The following DAOA variants were observed in gnomAD, a reference collection of about 807,000 sequenced individuals.
DAOA encodes the protein D-amino acid oxidase activator, also known as D-amino acid oxidase regulator.
DAOA carries 15 observed loss-of-function variants against 16.4 expected under a neutral mutation model. That is an observed-to-expected ratio of 0.91 (90% confidence interval 0.61 to 1.41). The LOEUF is 1.41. DAOA is among the 40% of genes most tolerant of loss of function. The pLI is 0.00. For synonymous variants in DAOA, 75 were observed against 59.1 expected (o/e 1.27, Z -1.23); for missense variants, 230 against 176.8 (o/e 1.30, Z -1.71).
intron 4 of DAOA, among the ~76,000 whole-genome samples, chr13:105,486,352 G>T (rs1594119269): frequency 6.6e-6 from 1 of 151,722 alleles, no homozygotes; most frequent in Non-Finnish European, 1.5e-5. Context: ...AAACCCACCT[G>T]CTTCATTTGG....
chr13:105,475,561 GTGTT>G (rs139554624), intron 4 of DAOA, among the ~76,000 whole-genome samples: 5,647 of 152,236 alleles, frequency 0.037, 135 homozygotes, highest in South Asian at 0.063. Context: ...CACAGAAACT[GTGTT>G]TGATACATTT....
chr13:105,467,354 C>T (rs16966682), intron 3 of DAOA, among the ~76,000 whole-genome samples: 1 of 152,124 alleles, frequency 6.6e-6, no homozygotes, highest in Non-Finnish European at 1.5e-5. Context: ...AACAGTGCAA[C>T]CTTGTAAAAC....
At chr13:105,486,587 A>G (rs1250037993) in intron 4 of DAOA, among the ~76,000 whole-genome samples, 2 of 151,172 alleles carry the variant, frequency 1.3e-5, no homozygotes, top group African/African-American at 2.4e-5. Flanking sequence ...CTCAGTTTCC[A>G]GGTCTCAGTA....
intron 4 of DAOA, among the ~76,000 whole-genome samples, chr13:105,486,679 C>T (rs1391599915): frequency 8.6e-5 from 13 of 151,284 alleles, no homozygotes; most frequent in Non-Finnish European, 1.6e-4. Context: ...AGTGCAATGG[C>T]GCAATCTCGG....
intron 4 of DAOA, among the ~76,000 whole-genome samples, chr13:105,483,155 T>C (rs1877868079): frequency 6.6e-6 from 1 of 152,180 alleles, no homozygotes; most frequent in South Asian, 2.1e-4. Context: ...TTTGCTCTAT[T>C]TTGTTTGGAT....
At chr13:105,469,847 C>T (rs1192334314) in intron 3 of DAOA, among the ~76,000 whole-genome samples, 2 of 152,176 alleles carry the variant, frequency 1.3e-5, no homozygotes. Context: ...TATTTCCAAA[C>T]TTTCCAAAGC....
At chr13:105,488,890 CTGTT>C (rs1878318361) in intron 4 of DAOA, among the ~76,000 whole-genome samples, 1 of 152,140 alleles carries the variant, frequency 6.6e-6, no homozygotes, top group Admixed American at 6.6e-5. Flanking sequence ...CATGGCTTGA[CTGTT>C]TGGGGTGGAA....
At chr13:105,475,035 A>G (rs886692068) in intron 4 of DAOA, 10 of 985,710 alleles carry the variant, frequency 1.0e-5, no homozygotes, top group South Asian at 4.7e-5. Context: ...AATTTCTCAG[A>G]TATTTGCTGG....
rs1877034535 is a variant in DAOA at position 105,472,547 on chromosome 13, CAGA to C, written c.149_151del (p.Glu50del). The C allele has an allele frequency of 1.2e-6, 2 of 1,613,230 alleles. No homozygotes were observed. Among genetic ancestry groups the C allele is most frequent in the African/African-American group, 1.3e-5 (1 of 74,930 alleles). ...TTAAATACTGTTGCAGCAAAGGAGACAGAAGAAGGAAGAGAGACGGTAACAAGG... is the reference window on the plus strand; with the variant it reads ...TTAAATACTGTTGCAGCAAAGGAGACAGAAGGAAGAGAGACGGTAACAAGG... On this transcript the variant is annotated inframe_deletion, in exon 4 of 6. Coordinates refer to ENST00000375936, the MANE Select transcript of DAOA (RefSeq NM_172370.5).
At chr13:105,487,941 T>C (rs1878246830) in intron 4 of DAOA, among the ~76,000 whole-genome samples, 1 of 152,176 alleles carries the variant, frequency 6.6e-6, no homozygotes, top group Non-Finnish European at 1.5e-5. Context: ...CCTGGGGACA[T>C]GCTTTGAATC....
Position 105,489,925 on chromosome 13 carries a change from T to C in DAOA, c.306T>C (p.Val102=). The change falls in exon 5 of 6, where the codon GTT becomes GTC. Residue 102 remains valine (V), a synonymous_variant. Transcript: ENST00000375936. Reference sequence around the variant, plus strand: ...GGCTTGAAGAAGTAAGCAGCCATGTTGGAAAAGTCTTCATGGCAAGAAACT... The same window carrying C: ...GGCTTGAAGAAGTAAGCAGCCATGTCGGAAAAGTCTTCATGGCAAGAAACT... The part of the protein sequence containing the change: ...YAELEEVSSH[V]GKVFMARNYE... 1 of 1,613,928 alleles carries C rather than the reference T, an allele frequency of 6.2e-7. No individual in the cohort carries two copies.
At chr13:105,473,567 A>C (rs934453007) in intron 4 of DAOA, among the ~76,000 whole-genome samples, 1 of 152,126 alleles carries the variant, frequency 6.6e-6, no homozygotes, top group African/African-American at 2.4e-5. Context: ...GTCATTTACC[A>C]TATTCCTAAA....
intron 4 of DAOA, among the ~76,000 whole-genome samples, chr13:105,483,437 T>C (rs1877887255): frequency 6.6e-6 from 1 of 152,208 alleles, no homozygotes; most frequent in African/African-American, 2.4e-5. Context: ...TCATTATTGT[T>C]TTTCAAAGTA....
chr13:105,474,474 G>A (rs1877206557), intron 4 of DAOA, among the ~76,000 whole-genome samples: 2 of 151,920 alleles, frequency 1.3e-5, no homozygotes, highest in African/African-American at 4.8e-5. Flanking sequence ...AAGGCAAAGG[G>A]CAAGAGATTA....
intron 4 of DAOA, among the ~76,000 whole-genome samples, chr13:105,478,081 G>T (rs528959026): frequency 1.3e-5 from 2 of 152,258 alleles, no homozygotes; most frequent in African/African-American, 4.8e-5. Flanking sequence ...TTGGTCATTT[G>T]TGACCATCCA....
intron 4 of DAOA, among the ~76,000 whole-genome samples, chr13:105,482,455 C>T (rs1197819659): frequency 6.6e-6 from 1 of 150,910 alleles, no homozygotes; most frequent in Non-Finnish European, 1.5e-5. Context: ...TATCACTCTG[C>T]TCTTTTTCTC....
At chr13:105,470,291 T>C (rs1876841665) in intron 3 of DAOA, among the ~76,000 whole-genome samples, 1 of 152,250 alleles carries the variant, frequency 6.6e-6, no homozygotes, top group South Asian at 2.1e-4. Context: ...AATGCTATTC[T>C]TTTCCAGTTT....
chr13:105,489,917 A>T lies in DAOA; in HGVS notation c.298A>T (p.Ser100Cys). 6.2e-7 allele frequency: 1 copy of T among 1,613,936 alleles called. No individual in the cohort carries two copies. The highest frequency in any genetic ancestry group is 8.5e-7 in the Non-Finnish European group (1 of 1,179,896). The change falls in exon 5 of 6, where the codon AGC becomes TGC. Residue 100 changes from serine (S) to cysteine (C), a missense_variant. Coordinates refer to ENST00000375936, the MANE Select transcript of DAOA (RefSeq NM_172370.5). ...TCCTTACAGGCTTGAAGAAGTAAGCAGCCATGTTGGAAAAGTCTTCATGGC... is the reference window on the plus strand; with the variant it reads ...TCCTTACAGGCTTGAAGAAGTAAGCTGCCATGTTGGAAAAGTCTTCATGGC... ...QPYAELEEVS[S>C]HVGKVFMARN...
chr13:105,487,516 C>A (rs924788861), intron 4 of DAOA, among the ~76,000 whole-genome samples: 1 of 151,834 alleles, frequency 6.6e-6, no homozygotes, highest in African/African-American at 2.4e-5. Flanking sequence ...GATACCTTTT[C>A]CCTTTGTTCC....
Sources: gnomAD v4.1 joint callset for allele counts (sites outside exome capture counted in the v4.1 genomes callset) on GRCh38, gnomAD v4.1.1 for gene constraint, MANE v1.5 for transcripts, NCBI Gene and HGNC (gene_info 2026-07-23, HGNC 2026-07-21) for gene names.